Variants in HUNK observed in about 807,000 individuals in gnomAD.
HUNK encodes hormonally up-regulated neu tumor-associated kinase.
HUNK carries 21 observed loss-of-function variants against 61.0 expected under a neutral mutation model. That is an observed-to-expected ratio of 0.34 (90% CI 0.24 to 0.50). HUNK has a LOEUF of 0.50. Ranked by LOEUF, HUNK falls within the 20% of genes least tolerant of loss-of-function variation. The probability of loss-of-function intolerance (pLI) is 0.98; values close to 1 mark genes in which losing one functional copy is unlikely to be tolerated. For missense variants in HUNK, 772 were observed against 945.7 expected, an observed-to-expected ratio of 0.82 and a Z score of 2.41; for synonymous variants, 371 against 386.1, an observed-to-expected ratio of 0.96 and a Z score of 0.46.
chr21:31,967,194 TAAA>T (rs1182168202), intron 5 of HUNK, among the ~76,000 whole-genome samples: 1 of 151,258 alleles, frequency 6.6e-6, no homozygotes, highest in East Asian at 2.0e-4. Flanking sequence ...ACCAAAAAAA[TAAA>T]AAAAGTATCC....
At chr21:31,917,467 T>C (rs967535267) in intron 1 of HUNK, among the ~76,000 whole-genome samples, 1 of 152,178 alleles carries the variant, frequency 6.6e-6, no homozygotes, top group Non-Finnish European at 1.5e-5. Flanking sequence ...AACTGTGCTC[T>C]TCTCTTTCTA....
intron 7 of HUNK, among the ~76,000 whole-genome samples, chr21:31,980,408 C>T (rs1156781331): frequency 9.5e-5 from 13 of 137,036 alleles, no homozygotes; most frequent in Admixed American, 7.7e-4. Flanking sequence ...GATGGAGTCT[C>T]GCTCTGTCAC....
At chr21:31,907,066 T>C (rs1234550197) in intron 1 of HUNK, among the ~76,000 whole-genome samples, 1 of 152,022 alleles carries the variant, frequency 6.6e-6, no homozygotes, top group Non-Finnish European at 1.5e-5. Flanking sequence ...TCCCAGCTAC[T>C]TGGGAGGCTG....
chr21:31,948,303 C>T (rs1017886988), intron 4 of HUNK, among the ~76,000 whole-genome samples: 1 of 152,228 alleles, frequency 6.6e-6, no homozygotes, highest in Non-Finnish European at 1.5e-5. Flanking sequence ...CTGAACACAG[C>T]CTGCTCCTGC....
chr21:31,945,924 C>A, intron 3 of HUNK, 112 bp from the exon 4 acceptor site: 3 of 1,059,320 alleles, frequency 2.8e-6, no homozygotes, highest in East Asian at 2.4e-5. Context: ...GATGTGTTAG[C>A]CTGAGAGAAT....
intron 1 of HUNK, among the ~76,000 whole-genome samples, chr21:31,874,613 A>C (rs1601352743): frequency 8.9e-5 from 9 of 100,930 alleles, no homozygotes; most frequent in Admixed American, 2.5e-4. Context: ...CACCATTCTC[A>C]TCCCCGCCAT....
intron 1 of HUNK, among the ~76,000 whole-genome samples, chr21:31,900,481 ACT>A (rs1384497986): frequency 2.6e-5 from 4 of 151,044 alleles, no homozygotes; most frequent in African/African-American, 9.7e-5. Flanking sequence ...ACACACACAA[ACT>A]CTACTGTGCT....
chr21:31,907,582 T>C (rs1317227511), intron 1 of HUNK, among the ~76,000 whole-genome samples: 1 of 151,964 alleles, frequency 6.6e-6, no homozygotes, highest in Non-Finnish European at 1.5e-5. Flanking sequence ...CATTGATGAG[T>C]TGGACATGTG....
intron 1 of HUNK, among the ~76,000 whole-genome samples, chr21:31,914,330 C>T (rs1418227697): frequency 7.1e-6 from 1 of 141,484 alleles, no homozygotes; most frequent in African/African-American, 2.6e-5. Flanking sequence ...ATCGCTTGAA[C>T]CCAGGAGGTG....
chr21:31,888,217 A>T (rs962096303), intron 1 of HUNK, among the ~76,000 whole-genome samples: 6 of 152,174 alleles, frequency 3.9e-5, no homozygotes, highest in African/African-American at 1.4e-4. Context: ...GAGTGTTTGG[A>T]GTCCAAACTG....
At chr21:31,996,035 C>T in intron 10 of HUNK, 87 bp downstream of exon 10, 1 of 997,804 alleles carries the variant, frequency 1.0e-6, no homozygotes, top group Non-Finnish European at 1.5e-6. Flanking sequence ...GTCGAATGGG[C>T]CCTAGAGCAG....
chr21:31,929,739 G>A (rs145314584), intron 2 of HUNK, among the ~76,000 whole-genome samples: 2 of 152,216 alleles, frequency 1.3e-5, no homozygotes, highest in Non-Finnish European at 2.9e-5. Context: ...GCCTGAGCTC[G>A]GATGTGTGTC....
At chr21:31,883,877 G>A (rs1017574013) in intron 1 of HUNK, among the ~76,000 whole-genome samples, 7 of 152,122 alleles carry the variant, frequency 4.6e-5, no homozygotes, top group Admixed American at 6.5e-5. Flanking sequence ...TGTTAACACC[G>A]GTGCCAGTTG....
At chr21:31,931,181 A>G (rs1488653272) in intron 2 of HUNK, among the ~76,000 whole-genome samples, 1 of 151,340 alleles carries the variant, frequency 6.6e-6, no homozygotes, top group Non-Finnish European at 1.5e-5. Context: ...ATTAAAATCC[A>G]TCTTGTGACC....
intron 1 of HUNK, among the ~76,000 whole-genome samples, chr21:31,903,960 G>A (rs1462468011): frequency 6.6e-6 from 1 of 152,168 alleles, no homozygotes; most frequent in Non-Finnish European, 1.5e-5. Flanking sequence ...TCGTGATGCT[G>A]TTTAAGAAAA....
Position 31,924,673 on chromosome 21 carries a change from A to G in HUNK, c.467A>G (p.Lys156Arg). ...GNLMHKIYEK[K>R]RLEESEARRY... ...CTGATGCACAAGATCTATGAGAAGA[A>G]GCGGCTGGAGGAGTCCGAAGCCCGC... The change falls in exon 2 of 11, where the codon AAG (lysine) becomes AGG (arginine). Residue 156 changes from lysine (K) to arginine (R), a missense_variant. By Grantham distance (26) the Lys-to-Arg change is conservative. Transcript: ENST00000270112. This position sits in a 1 kb window ranked among gnomAD's most constrained non-coding sequence, Gnocchi z 5.1. 1 of 1,614,098 alleles carries G rather than the reference A, an allele frequency of 6.2e-7. No homozygotes were observed. Among genetic ancestry groups the G allele is most frequent in the African/African-American group, 1.3e-5 (1 of 75,022 alleles).
intron 4 of HUNK, among the ~76,000 whole-genome samples, chr21:31,946,765 C>T (rs1332726971): frequency 1.3e-5 from 2 of 152,162 alleles, no homozygotes; most frequent in Non-Finnish European, 2.9e-5. Context: ...CAGGCATGCA[C>T]CACCATGCCC....
chr21:31,902,926 G>A (rs2052478894), intron 1 of HUNK, among the ~76,000 whole-genome samples: 1 of 151,910 alleles, frequency 6.6e-6, no homozygotes, highest in Non-Finnish European at 1.5e-5. Context: ...ATGATAAAAT[G>A]TGTTTAATAT....
chr21:31,953,760 G>A (rs547703668), intron 4 of HUNK, among the ~76,000 whole-genome samples: 1 of 152,286 alleles, frequency 6.6e-6, no homozygotes, highest in East Asian at 1.9e-4. Context: ...ACCCTAGGAT[G>A]AGAGAGGTGG....
Sources: allele counts gnomAD v4.1 joint callset (sites outside exome capture counted in the v4.1 genomes callset), GRCh38; gene constraint gnomAD v4.1.1; non-coding constraint Gnocchi (gnomAD v3.1); transcripts MANE v1.5; gene names NCBI Gene and HGNC (gene_info 2026-07-23, HGNC 2026-07-21).